Variants in NXNL2 observed in about 807,000 individuals in gnomAD.
NXNL2 encodes the protein nucleoredoxin like 2, also known as nucleoredoxin-like protein 2.
NXNL2 carries 7 observed loss-of-function variants against 11.1 expected under a neutral mutation model. The ratio of observed to expected loss-of-function variants is 0.63; its 90% confidence interval spans 0.36 to 1.18. The LOEUF (loss-of-function observed/expected upper bound fraction) is 1.18, where lower values mean the gene tolerates loss of function less well. Ranked by LOEUF, NXNL2 falls within the 50% of genes most tolerant of loss-of-function variation. The pLI is 0.02. For missense variants in NXNL2, 233 were observed against 217.7 expected (o/e 1.07, Z -0.44); for synonymous variants, 109 against 101.8 (o/e 1.07, Z -0.42).
chr9:88,547,909 C>T (rs144356556), downstream of NXNL2, among the ~76,000 whole-genome samples: 1 of 151,490 alleles, frequency 6.6e-6, no homozygotes, highest in East Asian at 1.9e-4. Context: ...TCCAGCTACC[C>T]GGGAGGCTGA....
downstream of NXNL2, among the ~76,000 whole-genome samples, chr9:88,584,447 G>T (rs898957943): frequency 5.9e-5 from 9 of 152,286 alleles, no homozygotes; most frequent in East Asian, 1.7e-3. Flanking sequence ...ATCCTGCCGG[G>T]CATCTTAATC....
At chr9:88,583,438 A>G (rs1213102616) in intron 1 of NXNL2, among the ~76,000 whole-genome samples, 1 of 152,184 alleles carries the variant, frequency 6.6e-6, no homozygotes, top group Non-Finnish European at 1.5e-5. Context: ...TTGACGCTGC[A>G]TGGTAATCTG....
chr9:88,573,404 A>G (rs1312108123), intron 2 of NXNL2, among the ~76,000 whole-genome samples: 2 of 152,208 alleles, frequency 1.3e-5, no homozygotes, highest in Admixed American at 6.5e-5. Flanking sequence ...TCAGCCTTCC[A>G]AAGTGCTGCG....
intron 1 of NXNL2, among the ~76,000 whole-genome samples, chr9:88,566,843 T>C (rs1830176792): frequency 6.6e-6 from 1 of 152,220 alleles, no homozygotes; most frequent in South Asian, 2.1e-4. Context: ...AGTATTTTAT[T>C]TCTTTTGATG....
At chr9:88,548,004 C>A (rs565890467), downstream of NXNL2, among the ~76,000 whole-genome samples, 1 of 137,246 alleles carries the variant, frequency 7.3e-6, no homozygotes, top group East Asian at 2.3e-4. Context: ...CAACAAAGAG[C>A]GAAACTCCAT....
At chr9:88,575,292 T>TA (rs1264911412) in exon 3 of NXNL2, 1 of 311,308 alleles carries the variant, frequency 3.2e-6, no homozygotes, top group Non-Finnish European at 4.7e-6. Context: ...ATTGAAGAGG[T>TA]ATCTGCACCC....
intron 1 of NXNL2, 21 bp downstream of exon 1, chr9:88,535,757 G>T (rs772770990): frequency 3.9e-5 from 60 of 1,526,680 alleles, no homozygotes; most frequent in Non-Finnish European, 5.1e-5. Flanking sequence ...GTCCTGGGGG[G>T]GCGGGGGCCG....
At chr9:88,568,408 A>C (rs1053476283) in intron 1 of NXNL2, among the ~76,000 whole-genome samples, 1 of 152,158 alleles carries the variant, frequency 6.6e-6, no homozygotes, top group African/African-American at 2.4e-5. Flanking sequence ...CCCTGGCCAG[A>C]CAGCCATGGA....
intron 2 of NXNL2, among the ~76,000 whole-genome samples, chr9:88,572,594 G>C (rs80194981): frequency 0.041 from 6,299 of 152,252 alleles, 194 homozygotes; most frequent in Admixed American, 0.097. Context: ...AGCTCCTGCC[G>C]ACCCCGGCAA....
chr9:88,584,464 T>C (rs1830440085), downstream of NXNL2, among the ~76,000 whole-genome samples: 1 of 152,198 alleles, frequency 6.6e-6, no homozygotes, highest in Non-Finnish European at 1.5e-5. Flanking sequence ...AATCTTGGAA[T>C]TCCAGCCTCC....
intron 1 of NXNL2, among the ~76,000 whole-genome samples, chr9:88,553,784 GT>G (rs779586541): frequency 6.6e-6 from 1 of 151,978 alleles, no homozygotes; most frequent in Non-Finnish European, 1.5e-5. Flanking sequence ...AAGCCTTATG[GT>G]TTTTTTGGGT....
chr9:88,572,282 T>A (rs1830278413), intron 2 of NXNL2, among the ~76,000 whole-genome samples: 1 of 152,186 alleles, frequency 6.6e-6, no homozygotes, highest in Admixed American at 6.5e-5. Context: ...GGGACAAACA[T>A]GTTCTGACTC....
chr9:88,546,195 C>A (rs1829843755), downstream of NXNL2, among the ~76,000 whole-genome samples: 17 of 148,674 alleles, frequency 1.1e-4, 1 homozygote, highest in South Asian at 3.5e-3. Context: ...CAACCACACA[C>A]TTTTAAAAGG....
chr9:88,565,441 GT>G (rs1258248949), intron 1 of NXNL2, among the ~76,000 whole-genome samples: 3 of 152,196 alleles, frequency 2.0e-5, no homozygotes, highest in African/African-American at 7.2e-5. Flanking sequence ...GTTCCATATT[GT>G]TTTCCATAGC....
At chr9:88,550,010 A>T (rs1212146642) in intron 1 of NXNL2, among the ~76,000 whole-genome samples, 1 of 152,100 alleles carries the variant, frequency 6.6e-6, no homozygotes, top group Non-Finnish European at 1.5e-5. Context: ...TATTTTTAGT[A>T]GAGATGGGAT....
chr9:88,572,169 C>T (rs1011724467), intron 2 of NXNL2, among the ~76,000 whole-genome samples: 2 of 152,158 alleles, frequency 1.3e-5, no homozygotes, highest in Non-Finnish European at 2.9e-5. Context: ...AGCACTAGAA[C>T]CTTTAACACT....
intron 1 of NXNL2, among the ~76,000 whole-genome samples, chr9:88,562,094 A>G (rs930641993): frequency 6.6e-6 from 1 of 152,228 alleles, no homozygotes; most frequent in Non-Finnish European, 1.5e-5. Flanking sequence ...TTTACACAAC[A>G]TGATACTACA....
downstream of NXNL2, among the ~76,000 whole-genome samples, chr9:88,546,519 G>A (rs565852346): frequency 2.4e-4 from 36 of 148,380 alleles, no homozygotes; most frequent in Middle Eastern, 3.4e-3. Flanking sequence ...GGGTTCAAGC[G>A]ATTCTGTTGC....
chr9:88,573,269 G>A (rs1050077544), intron 2 of NXNL2, among the ~76,000 whole-genome samples: 16 of 151,906 alleles, frequency 1.1e-4, no homozygotes, highest in East Asian at 7.7e-4. Context: ...TCAGCCTCCC[G>A]GAGAGCTGGG....
Sources: allele counts gnomAD v4.1 joint callset (sites outside exome capture counted in the v4.1 genomes callset), GRCh38; gene constraint gnomAD v4.1.1; transcripts MANE v1.5; gene names NCBI Gene and HGNC (gene_info 2026-07-23, HGNC 2026-07-21).